Variants in TMPRSS12 observed in about 807,000 individuals in gnomAD.
TMPRSS12 encodes transmembrane serine protease 12, also known as transmembrane protease serine 12.
TMPRSS12 carries 25 observed loss-of-function variants against 26.0 expected under a neutral mutation model. The ratio of observed to expected loss-of-function variants is 0.96; its 90% CI spans 0.70 to 1.34. The LOEUF is 1.34. Among genes scored for constraint, TMPRSS12 ranks in the 40% most tolerant of loss-of-function variants. TMPRSS12 has a pLI of 0.00. For synonymous variants in TMPRSS12, 150 were observed against 161.7 expected (o/e 0.93, Z 0.55); for missense variants, 441 against 440.1 (o/e 1.00, Z -0.02).
intron 2 of TMPRSS12, among the ~76,000 whole-genome samples, chr12:50,857,917 C>G (rs1355833111): frequency 6.6e-6 from 1 of 152,110 alleles, no homozygotes; most frequent in Non-Finnish European, 1.5e-5. Flanking sequence ...CAAGCCCCGC[C>G]TCCCGGGTTC....
chr12:50,848,753 G>A (rs1479297032), intron 2 of TMPRSS12, among the ~76,000 whole-genome samples: 1 of 152,246 alleles, frequency 6.6e-6, no homozygotes, highest in African/African-American at 2.4e-5. Flanking sequence ...CCAGAGAGCT[G>A]TGGTCAGGGG....
intron 3 of TMPRSS12, among the ~76,000 whole-genome samples, chr12:50,859,323 C>G (rs1029664269): frequency 6.6e-5 from 10 of 151,746 alleles, no homozygotes; most frequent in African/African-American, 2.2e-4. Flanking sequence ...TCAAGTGATT[C>G]TCCTGCCTCA....
intron 2 of TMPRSS12, among the ~76,000 whole-genome samples, chr12:50,852,531 C>T (rs753209111): frequency 1.3e-5 from 2 of 152,210 alleles, no homozygotes; most frequent in Non-Finnish European, 2.9e-5. Flanking sequence ...CTACATCAGC[C>T]TCCCCAGTAG....
intron 3 of TMPRSS12, among the ~76,000 whole-genome samples, chr12:50,876,269 A>G (rs545781249): frequency 6.6e-6 from 1 of 152,332 alleles, no homozygotes; most frequent in East Asian, 1.9e-4. Context: ...AGGCTGTGAG[A>G]GAAAGGAATG....
chr12:50,844,018 C>T lies in TMPRSS12; in HGVS notation c.364C>T (p.His122Tyr), dbSNP rs1337528612. The change falls in exon 2 of 5, where the codon CAC (histidine) becomes TAC (tyrosine). Residue 122 changes from histidine to tyrosine, a missense_variant. Coordinates refer to ENST00000398458, the MANE Select transcript of TMPRSS12 (RefSeq NM_182559.3). ...AGAGAGGTGGGTCCTCACAGCTGCC[C>T]ACTGCACTAAAGACGCTAGGTACGT... ...VRERWVLTAA[H>Y]CTKDASDPLM... The T allele has an allele frequency of 2.5e-6, 4 of 1,591,214 alleles. No individual in the cohort carries two copies. The highest frequency in any genetic ancestry group is 3.4e-6 in the Non-Finnish European group (4 of 1,170,586).
chr12:50,857,899 G>T (rs1321996469), intron 2 of TMPRSS12, among the ~76,000 whole-genome samples: 1 of 151,954 alleles, frequency 6.6e-6, no homozygotes, highest in Non-Finnish European at 1.5e-5. Context: ...CACGATCTCG[G>T]CTCACTGCAA....
At position 50,843,883 on chromosome 12, in the gene TMPRSS12, C is replaced by T. The variant is rs200318100; in HGVS notation, c.229C>T (p.Arg77Trp). ...APLKDVLQGS[R>W]IIGGTEAQAG... ...GCTTAAGGATGTGTTGCAAGGGTCT[C>T]GGATTATAGGGGGCACCGAAGCACA... Residue 77 changes from arginine to tryptophan, a missense_variant, in exon 2 of 5, where the codon CGG becomes TGG. Arg to Trp is a moderately radical substitution (Grantham distance 101, BLOSUM62 -3). Transcript: ENST00000398458. The T allele has an allele frequency of 1.5e-5, 23 of 1,565,870 alleles. No homozygotes were observed. The African/African-American group carries it at 3.1e-4, about 21-fold the overall frequency.
chr12:50,861,768 C>T (rs1373872874), intron 3 of TMPRSS12, among the ~76,000 whole-genome samples: 1 of 151,840 alleles, frequency 6.6e-6, no homozygotes, highest in Non-Finnish European at 1.5e-5. Flanking sequence ...AAGCCCAGTT[C>T]TGCCTGTTGC....
At chr12:50,850,108 T>C (rs1456268088) in intron 2 of TMPRSS12, among the ~76,000 whole-genome samples, 5 of 152,206 alleles carry the variant, frequency 3.3e-5, no homozygotes, top group Non-Finnish European at 2.9e-5. Flanking sequence ...CAGTATTGCA[T>C]TGTACGATGA....
At chr12:50,857,953 C>T (rs763108459) in intron 2 of TMPRSS12, among the ~76,000 whole-genome samples, 5 of 152,000 alleles carry the variant, frequency 3.3e-5, no homozygotes, top group Non-Finnish European at 7.4e-5. Flanking sequence ...CTCAGCCTCC[C>T]GAGTAGCTGG....
intron 1 of TMPRSS12, among the ~76,000 whole-genome samples, chr12:50,843,614 TA>T (rs1169960961): frequency 6.6e-6 from 1 of 152,226 alleles, no homozygotes; most frequent in African/African-American, 2.4e-5. Context: ...AATAGAGTTT[TA>T]AAATTAATGA....
intron 1 of TMPRSS12, among the ~76,000 whole-genome samples, chr12:50,843,588 T>A (rs533816400): frequency 1.3e-5 from 2 of 152,304 alleles, no homozygotes. Context: ...AAATTTTTAT[T>A]TTTATATTTT....
rs1938238614 is a variant in TMPRSS12 at position 50,887,419 on chromosome 12, TC to T, written c.955del (p.His319MetfsTer10). The T allele has an allele frequency of 6.2e-7, 1 of 1,613,834 alleles. No homozygotes were observed. The highest frequency in any genetic ancestry group is 1.7e-5 in the Admixed American group (1 of 59,986). The stretch of plus-strand genomic sequence containing the variant: ...CAAAAGTGGCTGACAGAGCATTTCT[TC>T]CATGCAAGCACTCAAGGCATACTTA... ...FYQKWLTEHFFHASTQGILTI... is the reference protein window; with the variant it reads ...FYQKWLTEHFXHASTQGILTI... On this transcript the variant is annotated frameshift_variant, in exon 5 of 5. Transcript: ENST00000398458. LOFTEE classifies it low-confidence loss of function (END_TRUNC).
rs1430916777 is a variant in TMPRSS12 at position 50,885,355 on chromosome 12, AG to A, written c.764del (p.Gly255ValfsTer18). 1 of 1,613,732 alleles carries A rather than the reference AG, an allele frequency of 6.2e-7. No individual in the cohort carries two copies. Among genetic ancestry groups the A allele is most frequent in the Non-Finnish European group, 8.5e-7 (1 of 1,179,844 alleles). On this transcript the variant is annotated frameshift_variant, in exon 4 of 5. Transcript: ENST00000398458. LOFTEE classifies it high-confidence loss of function. The stretch of plus-strand genomic sequence containing the variant: ...TAATTCCTAACACTTCATTTTGTGC[AG>A]GTGATGAAGATGGAGCTTTTGATAC... ...GIIPNTSFCA[G>X]DEDGAFDTCR...
chr12:50,862,231 A>G (rs750994209), intron 3 of TMPRSS12, among the ~76,000 whole-genome samples: 1 of 152,236 alleles, frequency 6.6e-6, no homozygotes, highest in Non-Finnish European at 1.5e-5. Context: ...GTTTACATGT[A>G]CATACCAAGC....
At chr12:50,846,685 C>T (rs1009669408) in intron 2 of TMPRSS12, among the ~76,000 whole-genome samples, 7 of 151,998 alleles carry the variant, frequency 4.6e-5, no homozygotes, top group Non-Finnish European at 1.0e-4. Context: ...CTCAGGTGAT[C>T]CTCCCACCTC....
intron 3 of TMPRSS12, among the ~76,000 whole-genome samples, chr12:50,872,328 A>T (rs1488435704): frequency 6.6e-6 from 1 of 150,820 alleles, no homozygotes; most frequent in African/African-American, 2.4e-5. Flanking sequence ...CCTGGCTAAC[A>T]AGGTGAAACC....
intron 3 of TMPRSS12, among the ~76,000 whole-genome samples, chr12:50,873,613 G>T (rs529706421): frequency 9.2e-5 from 14 of 152,272 alleles, no homozygotes; most frequent in South Asian, 6.2e-4. Flanking sequence ...AACATTCTCC[G>T]TACACAACAG....
intron 3 of TMPRSS12, among the ~76,000 whole-genome samples, chr12:50,869,176 C>CAA (rs34723646): frequency 6.7e-6 from 1 of 149,530 alleles, no homozygotes; most frequent in African/African-American, 2.5e-5. Flanking sequence ...GAAATTGAAA[C>CAA]AAAAAAAAAA....
Sources: gnomAD v4.1 joint callset for allele counts (sites outside exome capture counted in the v4.1 genomes callset) on GRCh38, gnomAD v4.1.1 for gene constraint, MANE v1.5 for transcripts, NCBI Gene and HGNC (gene_info 2026-07-23, HGNC 2026-07-21) for gene names.